Variants in WWOX observed in about 807,000 individuals in gnomAD.
WWOX encodes the protein WW domain containing oxidoreductase, also known as WW domain-containing oxidoreductase.
A neutral mutation model predicts 46.2 loss-of-function variants in WWOX; 69 were observed. The observed-to-expected ratio is 1.49, with a 90% CI of 1.23 to 1.82. The LOEUF (loss-of-function observed/expected upper bound fraction) is 1.82, where lower values mean the gene tolerates loss of function less well. WWOX is among the 40% of genes most tolerant of loss of function. The pLI is 0.00. For missense variants in WWOX, 919 were observed against 542.6 expected, an observed-to-expected ratio of 1.69 and a Z score of -6.89; for synonymous variants, 359 against 202.6, an observed-to-expected ratio of 1.77 and a Z score of -6.56.
At chr16:79,186,011 A>G (rs1000135119) in intron 8 of WWOX, among the ~76,000 whole-genome samples, 2 of 151,742 alleles carry the variant, frequency 1.3e-5, no homozygotes, top group Non-Finnish European at 2.9e-5. Context: ...TGGCCTTGAG[A>G]AGGTACATTC....
chr16:78,183,002 A>C (rs1196404972), intron 5 of WWOX, among the ~76,000 whole-genome samples: 1 of 151,876 alleles, frequency 6.6e-6, no homozygotes, highest in Admixed American at 6.6e-5. Flanking sequence ...TCCTCCCAAG[A>C]ACTCATGGTC....
chr16:78,569,180 C>T (rs56230826), intron 8 of WWOX, among the ~76,000 whole-genome samples: 1 of 152,150 alleles, frequency 6.6e-6, no homozygotes, highest in Non-Finnish European at 1.5e-5. Context: ...AGAAATGTGA[C>T]TTTCTGTAGC....
chr16:78,777,868 A>G (rs1258991459), intron 8 of WWOX, among the ~76,000 whole-genome samples: 20 of 151,938 alleles, frequency 1.3e-4, no homozygotes. Flanking sequence ...AGCATGGTGA[A>G]ACCCTGTCTG....
intron 8 of WWOX, among the ~76,000 whole-genome samples, chr16:78,963,977 G>T (rs1409458088): frequency 6.6e-6 from 1 of 152,072 alleles, no homozygotes. Context: ...TTTTTCTCTT[G>T]CCACCACCAT....
rs1597489548 is a variant in WWOX, at chr16:79,212,175, G to A, written c.*379G>A. The A allele has an allele frequency of 1.4e-6, 2 of 1,478,778 alleles. No homozygotes were observed. The highest frequency in any genetic ancestry group is 1.8e-6 in the Non-Finnish European group (2 of 1,123,282). 91.6% of individuals were successfully genotyped at this position (1,478,778 alleles called of 1,614,324 possible). A position where few individuals can be genotyped will look rare whatever the true frequency, so the allele number is the denominator to read the frequency against. On this transcript the variant is annotated 3_prime_UTR_variant, in exon 9 of 9. Coordinates refer to ENST00000566780, the MANE Select transcript of WWOX (RefSeq NM_016373.4). Reference sequence around the variant, plus strand: ...TCCAGCTACCACCACGGCCACCACTGCAGCCGGGGGCTGGCCTTCTCCTAC... The same window carrying A: ...TCCAGCTACCACCACGGCCACCACTACAGCCGGGGGCTGGCCTTCTCCTAC...
rs2081101249 is a variant in WWOX, at chr16:78,346,771, C to G, written c.517-40089C>G. Among the ~76,000 whole-genome samples the G allele has an allele frequency of 1.7e-5, 2 of 120,690 alleles. 1 individual carries two copies. The highest frequency in any genetic ancestry group is 4.0e-5 in the Non-Finnish European group (2 of 50,552). 79.2% of individuals were successfully genotyped at this position (120,690 alleles called of 152,430 possible). On this transcript the variant is annotated intron_variant, in intron 5 of 8. Coordinates refer to ENST00000566780, the MANE Select transcript of WWOX (RefSeq NM_016373.4). ...CCAGTCTGGAGAGCAGTGGTGTGAT[C>G]TTGGTTTACTGCAACCTCTGCCTAC...
intron 8 of WWOX, among the ~76,000 whole-genome samples, chr16:79,036,125 C>A (rs539368615): frequency 2.0e-5 from 3 of 152,338 alleles, no homozygotes; most frequent in East Asian, 1.9e-4. Context: ...CTATCTTTCA[C>A]TCTCTATGAA....
At chr16:78,855,072 A>G (rs1362248097) in intron 8 of WWOX, among the ~76,000 whole-genome samples, 3 of 152,206 alleles carry the variant, frequency 2.0e-5, no homozygotes, top group Non-Finnish European at 4.4e-5. Flanking sequence ...TAGAAAGATT[A>G]GGAAAGTGGG....
At chr16:78,667,004 C>G (rs890716687) in intron 8 of WWOX, among the ~76,000 whole-genome samples, 2 of 152,152 alleles carry the variant, frequency 1.3e-5, no homozygotes, top group Non-Finnish European at 2.9e-5. Flanking sequence ...CCTTTTATCT[C>G]TAACTCTAAA....
rs5818213 is a variant in WWOX at position 79,208,381 on chromosome 16, C to CAA, written c.1057-3216_1057-3215dup. ...AGGCTTCTGATAAATGATTGATTCT[C>CAA]AAAAAAAAAAAATCGTTTAGGGGAA... On this transcript the variant is annotated intron_variant, in intron 8 of 8. Transcript: ENST00000566780. Among the ~76,000 whole-genome samples, 834 of 149,108 alleles carry CAA rather than the reference C, an allele frequency of 5.6e-3. 8 individuals carry two copies. The highest frequency in any genetic ancestry group is 0.044 in the East Asian group (220 of 5,000).
chr16:78,811,171 A>C (rs1246314014), intron 8 of WWOX, among the ~76,000 whole-genome samples: 1 of 152,182 alleles, frequency 6.6e-6, no homozygotes, highest in Non-Finnish European at 1.5e-5. Context: ...TCCGAAAAAC[A>C]ATCAGTGTTT....
intron 8 of WWOX, among the ~76,000 whole-genome samples, chr16:78,851,723 A>C (rs895613194): frequency 2.0e-5 from 3 of 152,328 alleles, no homozygotes; most frequent in Admixed American, 1.3e-4. Flanking sequence ...TTTATTTTCA[A>C]ATGAAGTGGA....
chr16:78,741,872 C>A (rs999834391), intron 8 of WWOX, among the ~76,000 whole-genome samples: 8 of 152,184 alleles, frequency 5.3e-5, no homozygotes, highest in Non-Finnish European at 1.0e-4. Context: ...TACATACATA[C>A]AACATAAAGT....
intron 8 of WWOX, among the ~76,000 whole-genome samples, chr16:79,112,647 G>T (rs1175755142): frequency 6.6e-6 from 1 of 152,192 alleles, no homozygotes; most frequent in Non-Finnish European, 1.5e-5. Flanking sequence ...GATTAAGAAA[G>T]CACTCGCATG....
chr16:78,816,583 T>C (rs777556007), intron 8 of WWOX, among the ~76,000 whole-genome samples: 3 of 146,794 alleles, frequency 2.0e-5, no homozygotes, highest in Non-Finnish European at 4.5e-5. Context: ...CGTTTGTCTT[T>C]AAAAATTTTC....
chr16:78,641,148 C>G (rs750941302), intron 8 of WWOX, among the ~76,000 whole-genome samples: 37 of 152,064 alleles, frequency 2.4e-4, no homozygotes, highest in Non-Finnish European at 4.6e-4. Context: ...AAAAAATTCT[C>G]TTCCTTGGAT....
chr16:79,207,631 G>A (rs1259718032), intron 8 of WWOX, among the ~76,000 whole-genome samples: 1 of 152,144 alleles, frequency 6.6e-6, no homozygotes, highest in African/African-American at 2.4e-5. Flanking sequence ...ATATCTCATA[G>A]TTAAGTCTAC....
chr16:78,963,612 T>C (rs2046312731), intron 8 of WWOX, among the ~76,000 whole-genome samples: 1 of 152,238 alleles, frequency 6.6e-6, no homozygotes, highest in South Asian at 2.1e-4. Flanking sequence ...GTTAGTGGTA[T>C]GCTTTTTAAA....
At chr16:78,861,478 T>A (rs1287486332) in intron 8 of WWOX, among the ~76,000 whole-genome samples, 3 of 152,226 alleles carry the variant, frequency 2.0e-5, no homozygotes, top group Admixed American at 2.0e-4. Flanking sequence ...TGTTGTTTTA[T>A]CTCTCTCCAC....
Sources: gnomAD v4.1 joint callset for allele counts (sites outside exome capture counted in the v4.1 genomes callset) on GRCh38, gnomAD v4.1.1 for gene constraint, MANE v1.5 for transcripts, NCBI Gene and HGNC (gene_info 2026-07-23, HGNC 2026-07-21) for gene names.